Variants in ZNF536 observed in about 807,000 individuals in gnomAD.
ZNF536 encodes the protein zinc finger protein 536.
ZNF536 carries 13 observed loss-of-function variants against 84.5 expected under a neutral mutation model. The observed-to-expected ratio is 0.15, with a 90% CI of 0.10 to 0.24. The LOEUF (loss-of-function observed/expected upper bound fraction) is 0.24. ZNF536 is among the 10% of genes least tolerant of loss of function. The probability of loss-of-function intolerance (pLI) is 1.00; values close to 1 mark genes in which losing one functional copy is unlikely to be tolerated. For synonymous variants in ZNF536, 811 were observed against 742.5 expected, an observed-to-expected ratio of 1.09 and a Z score of -1.50; for missense variants, 1,536 against 1,747.5, an observed-to-expected ratio of 0.88 and a Z score of 2.16.
At chr19:30,681,156 C>T (rs1313604612) in intron 1 of ZNF536, among the ~76,000 whole-genome samples, 1 of 152,152 alleles carries the variant, frequency 6.6e-6, no homozygotes, top group African/African-American at 2.4e-5. Context: ...ATGAATGGCT[C>T]TGTATCCTCC....
intron 1 of ZNF536, among the ~76,000 whole-genome samples, chr19:30,270,248 C>A (rs1008094776): frequency 6.6e-6 from 1 of 152,130 alleles, no homozygotes; most frequent in African/African-American, 2.4e-5. Context: ...AGCCTGCCAA[C>A]CCCTGGAATA....
chr19:30,581,432 G>T (rs564578707), intron 1 of ZNF536, among the ~76,000 whole-genome samples: 6 of 152,252 alleles, frequency 3.9e-5, no homozygotes, highest in Admixed American at 1.3e-4. Flanking sequence ...AGCTGAGATT[G>T]TGCCACTGCA....
At chr19:30,642,492 A>G (rs2049302701) in intron 1 of ZNF536, among the ~76,000 whole-genome samples, 1 of 152,110 alleles carries the variant, frequency 6.6e-6, no homozygotes. Context: ...TTGAAGGAGG[A>G]ATGGACCTCA....
intron 1 of ZNF536, among the ~76,000 whole-genome samples, chr19:30,657,481 C>G (rs2049956891): frequency 6.6e-6 from 1 of 152,194 alleles, no homozygotes; most frequent in African/African-American, 2.4e-5. Context: ...TCTCGGTATT[C>G]CTGCCACTGC....
chr19:30,527,961 A>T (rs1434078307), intron 2 of ZNF536, among the ~76,000 whole-genome samples: 1 of 152,160 alleles, frequency 6.6e-6, no homozygotes, highest in Non-Finnish European at 1.5e-5. Context: ...GACTCCACAA[A>T]TAGTTTTTTT....
upstream of ZNF536, chr19:30,228,469 G>T (rs2022749355): frequency 6.6e-6 from 1 of 152,142 alleles, no homozygotes; most frequent in African/African-American, 2.4e-5. This position sits in a 1 kb window ranked among gnomAD's most constrained non-coding sequence, Gnocchi z 4.5. Flanking sequence ...TGGCGTAGCC[G>T]TGACGCGCCC....
At chr19:30,706,732 T>G (rs1180450449) in intron 1 of ZNF536, among the ~76,000 whole-genome samples, 1 of 152,214 alleles carries the variant, frequency 6.6e-6, no homozygotes, top group Non-Finnish European at 1.5e-5. Flanking sequence ...CATACGATAG[T>G]GACATTCTCC....
chr19:30,486,501 T>C (rs758998011), intron 2 of ZNF536, among the ~76,000 whole-genome samples: 5 of 152,240 alleles, frequency 3.3e-5, no homozygotes, highest in African/African-American at 4.8e-5. Context: ...CAGTCTATCA[T>C]TGATGGGCAT....
intron 2 of ZNF536, among the ~76,000 whole-genome samples, chr19:30,481,042 A>T (rs1194991969): frequency 6.6e-6 from 1 of 151,938 alleles, no homozygotes; most frequent in Non-Finnish European, 1.5e-5. Flanking sequence ...AAAAAAAAAA[A>T]AAGGGTGGGT....
chr19:30,333,821 A>T (rs2047293964), intron 2 of ZNF536, among the ~76,000 whole-genome samples: 1 of 152,158 alleles, frequency 6.6e-6, no homozygotes, highest in African/African-American at 2.4e-5. Context: ...TCTCGCCCTA[A>T]TGATATGTTT....
intron 1 of ZNF536, among the ~76,000 whole-genome samples, chr19:30,236,828 G>C (rs548401332): frequency 1.6e-4 from 25 of 152,278 alleles, no homozygotes; most frequent in African/African-American, 5.8e-4. Context: ...GGGGGTGGTA[G>C]GGATGTGTAT....
intron 2 of ZNF536, among the ~76,000 whole-genome samples, chr19:30,317,407 T>C (rs1270544744): frequency 6.6e-6 from 1 of 152,202 alleles, no homozygotes. Context: ...GGCAGACACA[T>C]GGTAGGTGAC....
intron 2 of ZNF536, among the ~76,000 whole-genome samples, chr19:30,351,069 C>T (rs1405407323): frequency 6.6e-6 from 1 of 152,194 alleles, no homozygotes; most frequent in Non-Finnish European, 1.5e-5. Context: ...AAAATGGCAT[C>T]TGTGTGTTTC....
At chr19:30,372,216 C>T (rs2048634915), upstream of ZNF536, among the ~76,000 whole-genome samples, 1 of 152,170 alleles carries the variant, frequency 6.6e-6, no homozygotes, top group African/African-American at 2.4e-5. Context: ...AACAATTGGT[C>T]ATTTTGAGGG....
Position 30,332,981 on chromosome 19 carries a change from C to T in ZNF536, c.-119-19387C>T, listed in dbSNP as rs189020510. On this transcript the variant is annotated intron_variant, in intron 2 of 5. Transcript: ENST00000585628. ...CCTGTGGTCCCAGCTACTCGGGAGG[C>T]TGAGGCGGGAGGATAGCTTGAGCCC... is the stretch of plus-strand genomic sequence containing the variant. 8.8e-4 allele frequency among the ~76,000 whole-genome samples: 134 copies of T among 152,244 alleles called. 1 individual carries two copies. Among genetic ancestry groups the T allele is most frequent in the Non-Finnish European group, 1.5e-4 (10 of 68,008 alleles).
intron 1 of ZNF536, among the ~76,000 whole-genome samples, chr19:30,395,198 AG>A (rs2049765193): frequency 6.6e-6 from 1 of 152,240 alleles, no homozygotes; most frequent in Non-Finnish European, 1.5e-5. Context: ...AAGTGATAAA[AG>A]AAGGAACTGA....
intron 1 of ZNF536, among the ~76,000 whole-genome samples, chr19:30,620,139 T>C (rs2048431740): frequency 6.6e-6 from 1 of 151,730 alleles, no homozygotes; most frequent in Non-Finnish European, 1.5e-5. Context: ...TCAGCCAGAC[T>C]CTTAAGGTAC....
At chr19:30,603,306 G>A (rs563034463) in intron 1 of ZNF536, among the ~76,000 whole-genome samples, 1 of 152,214 alleles carries the variant, frequency 6.6e-6, no homozygotes, top group Admixed American at 6.5e-5. Context: ...TGGATGGATG[G>A]ATGGATGGAT....
At chr19:30,621,140 T>C (rs150840519) in intron 1 of ZNF536, among the ~76,000 whole-genome samples, 4 of 152,192 alleles carry the variant, frequency 2.6e-5, no homozygotes, top group South Asian at 4.1e-4. Context: ...GAACAGCATC[T>C]AACATACTTG....
Sources: allele counts gnomAD v4.1 joint callset (sites outside exome capture counted in the v4.1 genomes callset), GRCh38; gene constraint gnomAD v4.1.1; non-coding constraint Gnocchi (gnomAD v3.1); transcripts MANE v1.5; gene names NCBI Gene and HGNC (gene_info 2026-07-23, HGNC 2026-07-21).